LIN28B: variants seen among roughly 807,000 people sequenced by gnomAD.
LIN28B encodes protein lin-28 homolog B.
Under a neutral mutation model 21.9 loss-of-function variants are expected in LIN28B, and 5 were observed. The ratio of observed to expected loss-of-function variants is 0.23; its 90% confidence interval spans 0.12 to 0.48. LIN28B has a LOEUF of 0.48. Ranked by LOEUF, LIN28B falls within the 20% of genes least tolerant of loss-of-function variation. The pLI is 0.98. For synonymous variants in LIN28B, 109 were observed against 111.3 expected, an observed-to-expected ratio of 0.98 and a Z score of 0.13; for missense variants, 245 against 310.5, an observed-to-expected ratio of 0.79 and a Z score of 1.58.
intron 2 of LIN28B, among the ~76,000 whole-genome samples, chr6:104,970,219 G>A (rs757871889): frequency 5.3e-5 from 8 of 152,012 alleles, no homozygotes; most frequent in Non-Finnish European, 1.2e-4. Context: ...TGCAGTCTTC[G>A]CATTTTTGAT....
intron 3 of LIN28B, among the ~76,000 whole-genome samples, chr6:105,053,545 C>G (rs780301974): frequency 1.3e-4 from 20 of 152,086 alleles, no homozygotes; most frequent in Admixed American, 1.2e-3. Context: ...ACAGCAGATT[C>G]GTTGCTTTCA....
intron 3 of LIN28B, among the ~76,000 whole-genome samples, chr6:105,028,213 G>A (rs1771326635): frequency 6.6e-6 from 1 of 151,260 alleles, no homozygotes; most frequent in South Asian, 2.1e-4. Context: ...AGTGGAGGTT[G>A]AGATTTGAAG....
chr6:105,003,733 T>C (rs1419248833), intron 2 of LIN28B, among the ~76,000 whole-genome samples: 1 of 152,114 alleles, frequency 6.6e-6, no homozygotes, highest in Non-Finnish European at 1.5e-5. Flanking sequence ...CAGGCTGGTC[T>C]CAAACTCCTG....
At chr6:105,054,845 CTT>C (rs11392418) in intron 3 of LIN28B, among the ~76,000 whole-genome samples, 49 of 137,326 alleles carry the variant, frequency 3.6e-4, no homozygotes, top group Admixed American at 4.4e-4. Context: ...ACCTGAACAA[CTT>C]TTTTTTTTTT....
intron 2 of LIN28B, among the ~76,000 whole-genome samples, chr6:104,959,230 T>G (rs1769663932): frequency 6.6e-6 from 1 of 152,216 alleles, no homozygotes; most frequent in South Asian, 2.1e-4. Context: ...AATATAAATT[T>G]TCTGTAGTTA....
intron 2 of LIN28B, among the ~76,000 whole-genome samples, chr6:104,993,862 T>G (rs1770545394): frequency 6.6e-6 from 1 of 151,084 alleles, no homozygotes; most frequent in South Asian, 2.1e-4. Context: ...GTTAAGACCC[T>G]TAATTTTGTG....
intron 2 of LIN28B, among the ~76,000 whole-genome samples, chr6:105,012,115 G>A (rs988358363): frequency 4.0e-5 from 6 of 151,332 alleles, no homozygotes; most frequent in East Asian, 2.0e-4. Flanking sequence ...CCGAGATTGC[G>A]CCACTGCACT....
intron 3 of LIN28B, among the ~76,000 whole-genome samples, chr6:105,027,030 A>G (rs1490831618): frequency 3.3e-5 from 5 of 152,152 alleles, no homozygotes; most frequent in Non-Finnish European, 7.4e-5. Flanking sequence ...AAATTTTACT[A>G]TTTGAATGTA....
chr6:104,979,145 G>A (rs1044099882), intron 2 of LIN28B, among the ~76,000 whole-genome samples: 1 of 151,844 alleles, frequency 6.6e-6, no homozygotes, highest in Admixed American at 6.6e-5. Flanking sequence ...TATAAATGTA[G>A]TACATGTGAT....
chr6:105,017,795 T>C (rs1040186245), intron 2 of LIN28B, among the ~76,000 whole-genome samples: 2 of 152,102 alleles, frequency 1.3e-5, no homozygotes, highest in Non-Finnish European at 2.9e-5. Context: ...GGTAATATGC[T>C]CATTACCTGG....
At chr6:104,995,885 T>C (rs1424267126) in intron 2 of LIN28B, among the ~76,000 whole-genome samples, 1 of 151,698 alleles carries the variant, frequency 6.6e-6, no homozygotes, top group African/African-American at 2.4e-5. Context: ...GCTTATATAA[T>C]GAAGGGAAAC....
intron 2 of LIN28B, among the ~76,000 whole-genome samples, chr6:104,993,290 C>T (rs1770532769): frequency 6.6e-6 from 1 of 151,836 alleles, no homozygotes; most frequent in African/African-American, 2.4e-5. Flanking sequence ...CATAGCAAGA[C>T]CCTGTTTCTA....
chr6:104,992,514 G>GT (rs71003467), intron 2 of LIN28B, among the ~76,000 whole-genome samples: 3 of 139,602 alleles, frequency 2.1e-5, no homozygotes, highest in Admixed American at 1.4e-4. Flanking sequence ...GTGTGTGTGT[G>GT]TTTTTTTTTT....
intron 2 of LIN28B, among the ~76,000 whole-genome samples, chr6:104,971,012 G>A (rs781189162): frequency 2.0e-5 from 3 of 151,984 alleles, no homozygotes; most frequent in Non-Finnish European, 4.4e-5. Flanking sequence ...TTAAATATTT[G>A]ATCTTTAAAG....
chr6:104,949,741 A>G (rs1050127181), intron 2 of LIN28B, among the ~76,000 whole-genome samples: 4 of 152,182 alleles, frequency 2.6e-5, no homozygotes, highest in Admixed American at 2.0e-4. Flanking sequence ...TCCTCTTCCA[A>G]TCACTATACT....
At chr6:105,062,106 GTATT>G (rs1257917765) in intron 3 of LIN28B, among the ~76,000 whole-genome samples, 1 of 151,758 alleles carries the variant, frequency 6.6e-6, no homozygotes, top group African/African-American at 2.4e-5. Flanking sequence ...TTATTCTAAT[GTATT>G]TATTTATTTT....
chr6:105,015,165 T>C (rs1365299786), intron 2 of LIN28B, among the ~76,000 whole-genome samples: 1 of 152,180 alleles, frequency 6.6e-6, no homozygotes. Context: ...TCTAATTCTC[T>C]TTATAATTCT....
intron 2 of LIN28B, among the ~76,000 whole-genome samples, chr6:104,971,004 A>G (rs941259446): frequency 6.6e-6 from 1 of 152,146 alleles, no homozygotes; most frequent in Non-Finnish European, 1.5e-5. Flanking sequence ...GTGAACCATT[A>G]AATATTTGAT....
intron 2 of LIN28B, among the ~76,000 whole-genome samples, chr6:105,018,457 G>A (rs160593): frequency 0.51 from 76,812 of 151,774 alleles, 20,612 homozygotes; most frequent in East Asian, 0.69. Context: ...GCTCAGTTTC[G>A]ACTGCTGTCT....
Sources: gnomAD v4.1 joint callset for allele counts (sites outside exome capture counted in the v4.1 genomes callset) on GRCh38, gnomAD v4.1.1 for gene constraint, MANE v1.5 for transcripts, NCBI Gene and HGNC (gene_info 2026-07-23, HGNC 2026-07-21) for gene names.